EYS: variants seen among roughly 807,000 people sequenced by gnomAD.
EYS encodes the protein EGF-like photoreceptor maintenance factor.
A neutral mutation model predicts 282.1 loss-of-function variants in EYS; 250 were observed. The observed-to-expected ratio is 0.89, with a 90% CI of 0.80 to 0.98. EYS has a LOEUF of 0.98. Among genes scored for constraint, EYS ranks in the 50% least tolerant of loss-of-function variants. EYS has a pLI of 0.00. For missense variants in EYS, 4,016 were observed against 3,709.0 expected (o/e 1.08, Z -2.15); for synonymous variants, 1,355 against 1,282.9 (o/e 1.06, Z -1.20).
intron 1 of EYS, among the ~76,000 whole-genome samples, chr6:65,664,085 T>C (rs1768118386): frequency 6.6e-6 from 1 of 152,008 alleles, no homozygotes; most frequent in South Asian, 2.1e-4. Context: ...TTAGCCGTGA[T>C]GGTCTCCATC....
chr6:64,071,324 A>G (rs780659927), intron 32 of EYS, among the ~76,000 whole-genome samples: 7 of 151,976 alleles, frequency 4.6e-5, no homozygotes, highest in Non-Finnish European at 8.8e-5. Flanking sequence ...CAGAAAACTA[A>G]TAATAATTCA....
At chr6:63,866,910 C>T (rs181811021) in intron 35 of EYS, among the ~76,000 whole-genome samples, 23 of 152,304 alleles carry the variant, frequency 1.5e-4, no homozygotes, top group African/African-American at 5.5e-4. Context: ...GAGTGTCAGA[C>T]ATTTCACCAG....
At chr6:64,210,894 C>T (rs1403534433) in intron 31 of EYS, among the ~76,000 whole-genome samples, 1 of 152,124 alleles carries the variant, frequency 6.6e-6, no homozygotes, top group Non-Finnish European at 1.5e-5. Context: ...AATTCTCTCT[C>T]CCTACTGGAG....
At chr6:64,335,660 T>C (rs9451362) in intron 29 of EYS, among the ~76,000 whole-genome samples, 3,650 of 152,140 alleles carry the variant, frequency 0.024, 72 homozygotes, top group African/African-American at 0.06. Context: ...CAGTCTTTGA[T>C]TGTCCCGCAA....
chr6:64,641,974 G>T (rs75183317), intron 22 of EYS, among the ~76,000 whole-genome samples: 24,386 of 152,138 alleles, frequency 0.16, 2,080 homozygotes, highest in African/African-American at 0.18. Context: ...AGTCCCTGGT[G>T]CCAAAAAGGT....
intron 35 of EYS, among the ~76,000 whole-genome samples, chr6:63,977,628 C>G (rs1734973827): frequency 6.6e-6 from 1 of 151,844 alleles, no homozygotes; most frequent in East Asian, 1.9e-4. Flanking sequence ...AGAAACAAAC[C>G]AGAGAATATT....
Position 63,760,648 on chromosome 6 carries a change from ATATCTATCTATCTATCTATC to A in EYS, c.8071+1793_8071+1812del, listed in dbSNP as rs36182718. ...TATGTACATATGTATGTATGTATGTATATCTATCTATCTATCTATCTATCTATCTATCTATCTATCTATCT... is the reference window on the plus strand; with the variant it reads ...TATGTACATATGTATGTATGTATGTATATCTATCTATCTATCTATCTATCT... On this transcript the variant is annotated intron_variant, in intron 41 of 42. Coordinates refer to ENST00000503581, the MANE Select transcript of EYS (RefSeq NM_001142800.2). Among the ~76,000 whole-genome samples the A allele has an allele frequency of 5.2e-3, 766 of 145,998 alleles. 5 individuals carry two copies. Among genetic ancestry groups the A allele is most frequent in the African/African-American group, 0.016 (629 of 39,246 alleles).
chr6:63,817,844 A>T lies in EYS; in HGVS notation c.7229-11472T>A, dbSNP rs140810424. On this transcript the variant is annotated intron_variant, in intron 36 of 42. Transcript: ENST00000503581. The stretch of plus-strand genomic sequence containing the variant: ...TTTATCTGGTGTGGTGATGCAAGTC[A>T]TCATTCCTGAGAGGCCAGGCCATGG... 3.8e-3 allele frequency among the ~76,000 whole-genome samples: 585 copies of T among 152,274 alleles called. 3 individuals carry two copies. Among genetic ancestry groups the T allele is most frequent in the African/African-American group, 0.012 (508 of 41,552 alleles).
At chr6:64,506,322 T>C (rs1777203992) in intron 26 of EYS, among the ~76,000 whole-genome samples, 1 of 152,140 alleles carries the variant, frequency 6.6e-6, no homozygotes. Flanking sequence ...TGAATTAAAC[T>C]TGGCTGAAAA....
At chr6:63,789,278 C>T (rs542222187) in intron 37 of EYS, 54 bp from the exon 38 acceptor site, 18 of 1,506,540 alleles carry the variant, frequency 1.2e-5, no homozygotes, top group South Asian at 9.9e-5. Context: ...TCAGGAGTTC[C>T]GTCAGCTTTA....
chr6:64,232,676 G>C (rs1766462544), intron 30 of EYS, among the ~76,000 whole-genome samples: 1 of 152,158 alleles, frequency 6.6e-6, no homozygotes, highest in South Asian at 2.1e-4. Context: ...ACAGGTGTGA[G>C]TCACTGCACC....
At chr6:64,987,919 A>G (rs1030184955) in intron 14 of EYS, among the ~76,000 whole-genome samples, 2 of 151,496 alleles carry the variant, frequency 1.3e-5, no homozygotes, top group African/African-American at 4.8e-5. Flanking sequence ...CTTGTGTTTA[A>G]TATAGTGTTA....
chr6:64,207,326 A>G lies in EYS; in HGVS notation c.6424+23266T>C, dbSNP rs116689672. Among the ~76,000 whole-genome samples, 386 of 152,102 alleles carry G rather than the reference A, an allele frequency of 2.5e-3. 1 individual carries two copies. The highest frequency in any genetic ancestry group is 8.8e-3 in the African/African-American group (367 of 41,484). ...AACGTAACACAAAGGCCCTCAACAGACATGGTCCCTCAATCTTGGCCTTCC... is the reference window on the plus strand; with the variant it reads ...AACGTAACACAAAGGCCCTCAACAGGCATGGTCCCTCAATCTTGGCCTTCC... On this transcript the variant is annotated intron_variant, in intron 31 of 42. Coordinates refer to ENST00000503581, the MANE Select transcript of EYS (RefSeq NM_001142800.2).
chr6:65,609,991 C>T (rs1179307539), intron 2 of EYS, among the ~76,000 whole-genome samples: 1 of 152,100 alleles, frequency 6.6e-6, no homozygotes, highest in Non-Finnish European at 1.5e-5. Flanking sequence ...CCTTGAACTC[C>T]TGGGCTCAAG....
Position 63,728,373 on chromosome 6 carries a change from G to C in EYS, c.8072-1693C>G, listed in dbSNP as rs188335181. On this transcript the variant is annotated intron_variant, in intron 41 of 42. Coordinates refer to ENST00000503581, the MANE Select transcript of EYS (RefSeq NM_001142800.2). ...TGTGAAACTGATATTAGCATATTTT[G>C]CCTATCACTTCTTTTAAATACATGG... Among the ~76,000 whole-genome samples, 41 of 152,060 alleles carry C rather than the reference G, an allele frequency of 2.7e-4. No individual in the cohort carries two copies. In the East Asian group the frequency reaches 6.8e-3, roughly 25 times the overall value.
At chr6:63,903,891 A>G (rs1007518896) in intron 35 of EYS, among the ~76,000 whole-genome samples, 1 of 152,188 alleles carries the variant, frequency 6.6e-6, no homozygotes, top group Non-Finnish European at 1.5e-5. Context: ...CACACAAAAG[A>G]CTGTAGGTAG....
chr6:65,207,182 T>C (rs1206381102), intron 12 of EYS, among the ~76,000 whole-genome samples: 1 of 151,640 alleles, frequency 6.6e-6, no homozygotes, highest in Non-Finnish European at 1.5e-5. Flanking sequence ...AGTTTCAAGA[T>C]TCAAAATCAA....
At chr6:63,861,173 T>C (rs888211426) in intron 36 of EYS, among the ~76,000 whole-genome samples, 2 of 152,172 alleles carry the variant, frequency 1.3e-5, no homozygotes, top group Admixed American at 1.3e-4. Flanking sequence ...AATAAACGGT[T>C]TCCTACAAAA....
chr6:64,462,062 T>A (rs1775767553), intron 26 of EYS, among the ~76,000 whole-genome samples: 1 of 152,186 alleles, frequency 6.6e-6, no homozygotes, highest in Admixed American at 6.5e-5. Flanking sequence ...AATTTGTGTA[T>A]AAAATGCTTT....
Sources: gnomAD v4.1 joint callset for allele counts (sites outside exome capture counted in the v4.1 genomes callset) on GRCh38, gnomAD v4.1.1 for gene constraint, MANE v1.5 for transcripts, NCBI Gene and HGNC (gene_info 2026-07-23, HGNC 2026-07-21) for gene names.